Variants in JDP2 observed in about 807,000 individuals in gnomAD.
JDP2 encodes the protein Jun dimerization protein 2, also known as progesterone receptor co-activator.
In JDP2, 9 loss-of-function variants were observed where a neutral mutation model predicts 17.1. The observed-to-expected ratio is 0.53, with a 90% CI of 0.32 to 0.92. JDP2 has a LOEUF of 0.92. Among genes scored for constraint, JDP2 ranks in the 40% least tolerant of loss-of-function variants. The probability of loss-of-function intolerance (pLI) is 0.04; values close to 1 mark genes in which losing one functional copy is unlikely to be tolerated. For missense variants in JDP2, 179 were observed against 220.0 expected (o/e 0.81, Z 1.18); for synonymous variants, 107 against 95.6 (o/e 1.12, Z -0.69).
chr14:75,432,300 G>A (rs1884843200), intron 1 of JDP2: 4 of 1,551,072 alleles, frequency 2.6e-6, no homozygotes, highest in Non-Finnish European at 3.5e-6. Flanking sequence ...TCCAAGAAGA[G>A]GCTTGGTGGT....
At chr14:75,452,286 C>T (rs736321) in intron 2 of JDP2, among the ~76,000 whole-genome samples, 39,061 of 152,106 alleles carry the variant, frequency 0.26, 6,016 homozygotes, top group East Asian at 0.45. Context: ...TTGGCAGCCT[C>T]GGGCAGACAC....
At position 75,461,457 on chromosome 14, in the gene JDP2, G is replaced by T. The variant is rs778537934; in HGVS notation, c.233G>T (p.Arg78Leu). ...LDEEEERRKR[R>L]REKNKVAAAR... ...GAGGAAGAGGAGCGAAGGAAAAGGC[G>T]CCGGGAGAAGAACAAAGTCGCAGCA... Residue 78 changes from arginine to leucine, a missense_variant, in exon 3 of 4, where the codon CGC (arginine) becomes CTC (leucine). By Grantham distance (102) the Arg-to-Leu change is moderately radical. Transcript: ENST00000651602. 1.2e-6 allele frequency: 2 copies of T among 1,609,704 alleles called. No individual in the cohort carries two copies. Among genetic ancestry groups the T allele is most frequent in the East Asian group, 2.2e-5 (1 of 44,760 alleles).
At chr14:75,431,551 G>A (rs556646691) in intron 1 of JDP2, among the ~76,000 whole-genome samples, 37 of 152,362 alleles carry the variant, frequency 2.4e-4, no homozygotes, top group African/African-American at 8.2e-4. Flanking sequence ...GCCAGTGTCT[G>A]TGCAGCTGTG....
chr14:75,449,160 C>T (rs1885740587), intron 2 of JDP2, among the ~76,000 whole-genome samples: 1 of 152,202 alleles, frequency 6.6e-6, no homozygotes, highest in African/African-American at 2.4e-5. Flanking sequence ...TTTAGCCACA[C>T]ACCCTGCATA....
chr14:75,462,060 T>G (rs886912866), intron 3 of JDP2, among the ~76,000 whole-genome samples: 1 of 152,242 alleles, frequency 6.6e-6, no homozygotes, highest in Non-Finnish European at 1.5e-5. Context: ...CTCCAAGCTC[T>G]TTGCTGCTAC....
At chr14:75,451,327 G>A (rs376971226) in intron 2 of JDP2, among the ~76,000 whole-genome samples, 150 of 151,852 alleles carry the variant, frequency 9.9e-4, no homozygotes, top group Non-Finnish European at 1.8e-3. Context: ...GTGGATGGGG[G>A]GAGCAAATCT....
intron 2 of JDP2, among the ~76,000 whole-genome samples, chr14:75,454,173 T>TACCCTCCTTTAAGC (rs1566743926): frequency 6.6e-6 from 1 of 151,416 alleles, no homozygotes; most frequent in Non-Finnish European, 1.5e-5. Flanking sequence ...GCTGGTGACG[T>TACCCTCCTTTAAGC]CCCCTCCTTT....
intron 1 of JDP2, among the ~76,000 whole-genome samples, chr14:75,432,941 C>T (rs1289550706): frequency 3.9e-5 from 6 of 152,010 alleles, no homozygotes; most frequent in African/African-American, 9.7e-5. Context: ...GTGGCTCACG[C>T]CCGTAATCCC....
At chr14:75,462,040 T>C (rs1330908576) in intron 3 of JDP2, among the ~76,000 whole-genome samples, 1 of 152,230 alleles carries the variant, frequency 6.6e-6, no homozygotes, top group African/African-American at 2.4e-5. Context: ...TCAGCTCCAC[T>C]GAAGGTGACC....
intron 2 of JDP2, among the ~76,000 whole-genome samples, chr14:75,451,568 G>A (rs546811943): frequency 2.0e-5 from 3 of 152,328 alleles, no homozygotes; most frequent in South Asian, 2.1e-4. Flanking sequence ...TCCACAGGCC[G>A]TGCGTATCGA....
chr14:75,436,915 C>T (rs905791886), intron 1 of JDP2, among the ~76,000 whole-genome samples: 43 of 152,260 alleles, frequency 2.8e-4, no homozygotes, highest in Middle Eastern at 3.4e-3. Flanking sequence ...TGGAGGTAGC[C>T]GGGCGCAGTG....
chr14:75,461,386 C>T (rs752977317), intron 2 of JDP2, 40 bp from the exon 3 acceptor site: 1 of 1,476,738 alleles, frequency 6.8e-7, no homozygotes, highest in East Asian at 2.3e-5. Flanking sequence ...GTACTCCAAG[C>T]CTGCCTCAGT....
chr14:75,448,110 A>G (rs1195361550), intron 2 of JDP2, among the ~76,000 whole-genome samples: 3 of 152,232 alleles, frequency 2.0e-5, no homozygotes, highest in African/African-American at 7.2e-5. Flanking sequence ...GTTTTGCACC[A>G]GCCAAAACAT....
intron 1 of JDP2, among the ~76,000 whole-genome samples, chr14:75,429,886 C>A (rs1884718596): frequency 6.6e-6 from 1 of 152,106 alleles, no homozygotes; most frequent in South Asian, 2.1e-4. Context: ...TGAAGGGCTG[C>A]AGGAAGTCAT....
rs55818536 is a variant in JDP2 at position 75,470,497 on chromosome 14, G to C, written c.*1022G>C. The stretch of plus-strand genomic sequence containing the variant: ...TGTCTGCCTGGGGAATGGGTGCAAG[G>C]CCCTCTCAGGGTCGGAGACTGTTTG... On this transcript the variant is annotated 3_prime_UTR_variant, in exon 4 of 4. Transcript: ENST00000651602. 10,988 of 152,518 alleles carry C rather than the reference G, an allele frequency of 0.072. 505 individuals are homozygous for C. Among genetic ancestry groups the C allele is most frequent in the Admixed American group, 0.1 (1,589 of 15,290 alleles). 9.4% of individuals were successfully genotyped at this position (152,518 alleles called of 1,614,324 possible). A position where few individuals can be genotyped will look rare whatever the true frequency, so the allele number is the denominator to read the frequency against.
intron 2 of JDP2, among the ~76,000 whole-genome samples, chr14:75,441,780 T>G (rs1015777435): frequency 2.0e-5 from 3 of 152,200 alleles, no homozygotes; most frequent in Admixed American, 2.0e-4. Context: ...GAGCTTTCCT[T>G]CCTTGACTTT....
At chr14:75,427,203 G>C (rs937625504), upstream of JDP2, 8 of 152,772 alleles carry the variant, frequency 5.2e-5, no homozygotes, top group African/African-American at 1.7e-4. This position sits in a 1 kb window ranked among gnomAD's most constrained non-coding sequence, Gnocchi z 4.4. Flanking sequence ...CTGAGGGCTG[G>C]GTCTGCTCAC....
chr14:75,463,468 A>C (rs1252162016), intron 3 of JDP2, among the ~76,000 whole-genome samples: 2 of 151,970 alleles, frequency 1.3e-5, no homozygotes, highest in African/African-American at 2.4e-5. Context: ...CGGCAGTGGG[A>C]TGGGAGGCAG....
chr14:75,437,995 C>G lies in JDP2; in HGVS notation c.75C>G (p.Leu25=), dbSNP rs1461094485. Residue 25 remains leucine (L), a synonymous_variant, in exon 2 of 4, where the codon CTC becomes CTG. Coordinates refer to ENST00000651602, the MANE Select transcript of JDP2 (RefSeq NM_001135048.2). ...CAGGGCTTGGCCCCCTGACCGGGCTCCCCAGCTCGGCCCTGACTGTGGAGG... is the reference window on the plus strand; with the variant it reads ...CAGGGCTTGGCCCCCTGACCGGGCTGCCCAGCTCGGCCCTGACTGTGGAGG... ...SLPGLGPLTG[L]PSSALTVEEL... 9 of 1,613,724 alleles carry G rather than the reference C, an allele frequency of 5.6e-6. No homozygotes were observed. The highest frequency in any genetic ancestry group is 7.6e-6 in the Non-Finnish European group (9 of 1,179,850).
Sources: allele counts gnomAD v4.1 joint callset (sites outside exome capture counted in the v4.1 genomes callset), GRCh38; gene constraint gnomAD v4.1.1; non-coding constraint Gnocchi (gnomAD v3.1); transcripts MANE v1.5; gene names NCBI Gene and HGNC (gene_info 2026-07-23, HGNC 2026-07-21).